The following SYN3 variants were observed in gnomAD, a reference collection of about 807,000 sequenced individuals.
SYN3 encodes synapsin III.
SYN3 carries 35 observed loss-of-function variants against 65.8 expected under a neutral mutation model. That is an observed-to-expected ratio of 0.53 (90% confidence interval 0.41 to 0.70). The LOEUF is 0.70. SYN3 is among the 30% of genes least tolerant of loss of function. The pLI is 0.00. For missense variants in SYN3, 680 were observed against 749.0 expected, an observed-to-expected ratio of 0.91 and a Z score of 1.08; for synonymous variants, 270 against 292.9, an observed-to-expected ratio of 0.92 and a Z score of 0.80.
intron 6 of SYN3, among the ~76,000 whole-genome samples, chr22:32,750,594 G>A (rs982973337): frequency 2.0e-5 from 3 of 152,064 alleles, no homozygotes; most frequent in Non-Finnish European, 2.9e-5. Context: ...TGGAGTGCTA[G>A]AAGGGTGACC....
At chr22:32,922,550 C>T (rs931326989) in intron 4 of SYN3, among the ~76,000 whole-genome samples, 8 of 152,148 alleles carry the variant, frequency 5.3e-5, no homozygotes, top group Admixed American at 4.6e-4. Context: ...CAACTAAGTC[C>T]GGATCCAGAG....
chr22:32,879,292 G>C (rs768592084), intron 4 of SYN3, among the ~76,000 whole-genome samples: 1 of 152,170 alleles, frequency 6.6e-6, no homozygotes, highest in Non-Finnish European at 1.5e-5. Flanking sequence ...AAAATGTATT[G>C]AGCACTAATA....
intron 7 of SYN3, among the ~76,000 whole-genome samples, chr22:32,585,052 T>TA (rs1318114204): frequency 1.3e-5 from 2 of 152,166 alleles, no homozygotes; most frequent in Non-Finnish European, 2.9e-5. Flanking sequence ...CTTCACCACT[T>TA]ACCTGTGACC....
intron 6 of SYN3, 26 bp from the exon 7 acceptor site, chr22:32,596,762 C>G: frequency 6.2e-7 from 1 of 1,612,394 alleles, no homozygotes; most frequent in African/African-American, 1.3e-5. Context: ...AGAAGTCACT[C>G]TTAACATCTC....
chr22:32,803,334 G>A lies in SYN3; in HGVS notation c.711+61581C>T, dbSNP rs752036921. On this transcript the variant is annotated intron_variant, in intron 6 of 13. Transcript: ENST00000358763. ...CTACCAGCGTGTTGTGGTGAGGAGG[G>A]GGAGGAGGTAGGAGCTTGGCAGGGG... 2.6e-5 allele frequency among the ~76,000 whole-genome samples: 4 copies of A among 152,054 alleles called. No homozygotes were observed. The East Asian group carries it at 7.7e-4, about 29-fold the overall frequency.
chr22:32,779,316 C>T (rs1033305481), intron 6 of SYN3, among the ~76,000 whole-genome samples: 10 of 152,054 alleles, frequency 6.6e-5, no homozygotes, highest in Admixed American at 5.2e-4. Flanking sequence ...ACAAATTAGC[C>T]GGGCATGATG....
At chr22:32,657,184 C>T (rs918163654) in intron 6 of SYN3, among the ~76,000 whole-genome samples, 15 of 150,844 alleles carry the variant, frequency 9.9e-5, no homozygotes, top group African/African-American at 2.7e-4. Context: ...AGTGCAGTGG[C>T]GCGATCTTGG....
intron 6 of SYN3, among the ~76,000 whole-genome samples, chr22:32,784,005 A>G (rs926018737): frequency 3.9e-5 from 6 of 152,216 alleles, no homozygotes; most frequent in Non-Finnish European, 7.3e-5. Context: ...GTGAGCTAAT[A>G]TATTCAAAAG....
intron 1 of SYN3, among the ~76,000 whole-genome samples, chr22:33,044,387 A>G (rs1421380818): frequency 1.3e-5 from 2 of 152,110 alleles, no homozygotes; most frequent in African/African-American, 4.8e-5. Flanking sequence ...GTATTTCACC[A>G]TGGCAGGCCC....
chr22:32,692,839 T>C (rs2060684424), intron 6 of SYN3, among the ~76,000 whole-genome samples: 1 of 152,200 alleles, frequency 6.6e-6, no homozygotes, highest in Non-Finnish European at 1.5e-5. Flanking sequence ...AAAATACAGG[T>C]GTACTACATG....
At chr22:32,734,513 G>GCAGGCAGACAGACAGA (rs1555941120) in intron 6 of SYN3, among the ~76,000 whole-genome samples, 10 of 151,442 alleles carry the variant, frequency 6.6e-5, no homozygotes, top group Middle Eastern at 3.4e-3. Context: ...AGGCAGGCAG[G>GCAGGCAGACAGACAGA]CAGACAGACA....
At chr22:32,973,531 G>T (rs2052087393) in intron 3 of SYN3, among the ~76,000 whole-genome samples, 1 of 152,148 alleles carries the variant, frequency 6.6e-6, no homozygotes, top group African/African-American at 2.4e-5. Flanking sequence ...TCCAGCACAG[G>T]AGGCGCCCTA....
chr22:32,806,669 C>T (rs2046748221), intron 6 of SYN3, among the ~76,000 whole-genome samples: 1 of 152,156 alleles, frequency 6.6e-6, no homozygotes. Flanking sequence ...ACAATTTGTA[C>T]CATCTTGGCC....
intron 6 of SYN3, among the ~76,000 whole-genome samples, chr22:32,848,316 A>G (rs1282667825): frequency 6.6e-6 from 1 of 152,200 alleles, no homozygotes. Flanking sequence ...GGGAAATTTC[A>G]TAAGATCTTT....
intron 6 of SYN3, among the ~76,000 whole-genome samples, chr22:32,767,171 A>T (rs1248043625): frequency 6.6e-6 from 1 of 151,666 alleles, no homozygotes; most frequent in Non-Finnish European, 1.5e-5. Flanking sequence ...CCTACTCACA[A>T]CTCCTTTTCC....
At chr22:32,604,513 C>T (rs192053146) in intron 6 of SYN3, among the ~76,000 whole-genome samples, 4 of 111,178 alleles carry the variant, frequency 3.6e-5, no homozygotes, top group South Asian at 2.8e-4. Context: ...AGGCCAATCC[C>T]GTCTCATACT....
chr22:32,560,974 G>C (rs1194451255), intron 7 of SYN3, among the ~76,000 whole-genome samples: 1 of 152,172 alleles, frequency 6.6e-6, no homozygotes, highest in Non-Finnish European at 1.5e-5. Flanking sequence ...CAGGAGTGGA[G>C]GATGATTCCA....
chr22:32,721,750 A>C (rs9619302), intron 6 of SYN3, among the ~76,000 whole-genome samples: 7,127 of 152,312 alleles, frequency 0.047, 190 homozygotes, highest in South Asian at 0.068. Flanking sequence ...ATGGTAAACA[A>C]CTGAACAATT....
chr22:32,912,045 C>T (rs1311828868), intron 4 of SYN3, among the ~76,000 whole-genome samples: 1 of 152,212 alleles, frequency 6.6e-6, no homozygotes, highest in Non-Finnish European at 1.5e-5. Flanking sequence ...TTATCGTACG[C>T]ATCAAGAAGG....
Sources: gnomAD v4.1 joint callset for allele counts (sites outside exome capture counted in the v4.1 genomes callset) on GRCh38, gnomAD v4.1.1 for gene constraint, MANE v1.5 for transcripts, NCBI Gene and HGNC (gene_info 2026-07-23, HGNC 2026-07-21) for gene names.